The following MAPRE2 variants were observed in gnomAD, a reference collection of about 807,000 sequenced individuals.
MAPRE2 encodes microtubule associated protein RP/EB family member 2, also known as microtubule-associated protein RP/EB family member 2.
Under a neutral mutation model 43.2 loss-of-function variants are expected in MAPRE2, and 13 were observed. That is an observed-to-expected ratio of 0.30 (90% CI 0.20 to 0.48). The LOEUF is 0.48. MAPRE2 is among the 20% of genes least tolerant of loss of function. MAPRE2 has a pLI of 0.99. For synonymous variants in MAPRE2, 135 were observed against 148.8 expected, an observed-to-expected ratio of 0.91 and a Z score of 0.68; for missense variants, 161 against 400.2, an observed-to-expected ratio of 0.40 and a Z score of 5.10.
chr18:35,017,359 G>C (rs186970064), intron 2 of MAPRE2, among the ~76,000 whole-genome samples: 1 of 147,596 alleles, frequency 6.8e-6, no homozygotes, highest in East Asian at 2.1e-4. Flanking sequence ...TTGGTAGTTT[G>C]ATAGGTATAG....
At chr18:34,985,663 A>G (rs1411806753) in intron 1 of MAPRE2, among the ~76,000 whole-genome samples, 1 of 102,124 alleles carries the variant, frequency 9.8e-6, no homozygotes, top group East Asian at 2.8e-4. Context: ...ATGATATATT[A>G]TAATAATATA....
chr18:35,069,565 GT>G (rs1157290181), intron 1 of MAPRE2, among the ~76,000 whole-genome samples: 2 of 152,036 alleles, frequency 1.3e-5, no homozygotes, highest in Non-Finnish European at 2.9e-5. Context: ...AATCCAAGGG[GT>G]AAACCTAACT....
At chr18:35,110,573 G>A (rs1021259012) in intron 4 of MAPRE2, among the ~76,000 whole-genome samples, 14 of 151,954 alleles carry the variant, frequency 9.2e-5, no homozygotes, top group African/African-American at 2.9e-4. Flanking sequence ...GTTCCCTAGC[G>A]GTTTCATTTC....
intron 2 of MAPRE2, among the ~76,000 whole-genome samples, chr18:35,012,851 AT>A (rs1460991768): frequency 1.3e-5 from 2 of 152,182 alleles, no homozygotes; most frequent in Admixed American, 1.3e-4. Flanking sequence ...ATGTTAATAT[AT>A]GTAATGTCAC....
In MAPRE2 at chr18:35,085,547, C is replaced by G. The variant is rs1273816905; in HGVS notation, c.251-11899C>G. Among the ~76,000 whole-genome samples, 4 of 152,064 alleles carry G rather than the reference C, an allele frequency of 2.6e-5. No individual in the cohort carries two copies. The South Asian group carries it at 8.3e-4, about 32-fold the overall frequency. ...TGAATCTGGAAAGGGTGTGTGTGCCCCCAGGAATATTCCACCAGAGGCAGC... is the reference window on the plus strand; with the variant it reads ...TGAATCTGGAAAGGGTGTGTGTGCCGCCAGGAATATTCCACCAGAGGCAGC... On this transcript the variant is annotated intron_variant, in intron 2 of 6. Coordinates refer to ENST00000300249, the MANE Select transcript of MAPRE2 (RefSeq NM_014268.4).
intron 2 of MAPRE2, among the ~76,000 whole-genome samples, chr18:35,010,402 A>G (rs1225059095): frequency 6.6e-6 from 1 of 152,164 alleles, no homozygotes; most frequent in East Asian, 1.9e-4. Context: ...AAATAGCTTG[A>G]CCTCACTAAG....
At chr18:35,035,113 A>C (rs1312478114) in intron 2 of MAPRE2, among the ~76,000 whole-genome samples, 39 of 152,078 alleles carry the variant, frequency 2.6e-4, no homozygotes, top group Non-Finnish European at 8.8e-5. Flanking sequence ...GAACCAACCC[A>C]AATGTCCAAC....
Position 34,985,041 on chromosome 18 carries a change from T to TATAAA in MAPRE2, c.-70+7966_-70+7970dup, listed in dbSNP as rs1568961120. On this transcript the variant is annotated intron_variant, in intron 1 of 7. Coordinates refer to the MAPRE2 transcript ENST00000413393. ...TATATAATATATAAAATATATAATA[T>TATAAA]ATAAAATATATTATATAATATATAA... 7.7e-3 allele frequency among the ~76,000 whole-genome samples: 398 copies of TATAAA among 51,632 alleles called. 3 individuals are homozygous for TATAAA. The highest frequency in any genetic ancestry group is 0.019 in the African/African-American group (230 of 12,280). The allele number at this position is 51,632 out of a possible 152,430, so 33.9% of individuals were successfully genotyped here. A position where few individuals can be genotyped will look rare whatever the true frequency, so the allele number is the denominator to read the frequency against.
Position 35,132,210 on chromosome 18 carries a change from G to C in MAPRE2, c.909+20G>C. On this transcript the variant is annotated intron_variant, in intron 6 of 6. Coordinates refer to ENST00000300249, the MANE Select transcript of MAPRE2 (RefSeq NM_014268.4). Reference sequence around the variant, plus strand: ...GAACACGTAAGTGTGAGGAGCATGTGACTCCTGTGTTCTAAAATGACTCTC... The same window carrying C: ...GAACACGTAAGTGTGAGGAGCATGTCACTCCTGTGTTCTAAAATGACTCTC... 6.2e-7 allele frequency: 1 copy of C among 1,611,900 alleles called. No individual in the cohort carries two copies. The highest frequency in any genetic ancestry group is 1.1e-5 in the South Asian group (1 of 90,854).
intron 4 of MAPRE2, among the ~76,000 whole-genome samples, chr18:35,111,505 T>C (rs1909172806): frequency 3.9e-5 from 6 of 152,342 alleles, no homozygotes; most frequent in Admixed American, 3.9e-4. Flanking sequence ...TCTTAGTTAT[T>C]GTGAATTTTA....
upstream of MAPRE2, among the ~76,000 whole-genome samples, chr18:35,038,673 A>T (rs78716378): frequency 5.5e-3 from 844 of 152,294 alleles, 5 homozygotes; most frequent in African/African-American, 0.019. Flanking sequence ...ACATCGTACC[A>T]TTCCGCTTCC....
At chr18:35,092,868 T>C (rs1253502194) in intron 2 of MAPRE2, among the ~76,000 whole-genome samples, 1 of 151,976 alleles carries the variant, frequency 6.6e-6, no homozygotes, top group East Asian at 1.9e-4. Context: ...ATCAAGGAAA[T>C]ACAGTGGGAA....
At chr18:35,072,233 C>T (rs1907147980) in intron 2 of MAPRE2, among the ~76,000 whole-genome samples, 1 of 152,222 alleles carries the variant, frequency 6.6e-6, no homozygotes, top group South Asian at 2.1e-4. Context: ...AACACATACC[C>T]CTTTGTATTG....
chr18:34,999,287 C>T (rs545656116), intron 1 of MAPRE2, among the ~76,000 whole-genome samples: 5 of 152,248 alleles, frequency 3.3e-5, no homozygotes, highest in African/African-American at 4.8e-5. Context: ...AAACACTTTA[C>T]AGAACTATAA....
chr18:35,083,341 T>C (rs1442368779), intron 2 of MAPRE2, among the ~76,000 whole-genome samples: 3 of 152,252 alleles, frequency 2.0e-5, no homozygotes, highest in Non-Finnish European at 4.4e-5. Flanking sequence ...AAACTTTCTA[T>C]TTTCATGACC....
chr18:35,070,102 T>C (rs759333782), intron 1 of MAPRE2, 93 bp from the exon 2 acceptor site: 86 of 1,080,468 alleles, frequency 8.0e-5, no homozygotes, highest in Non-Finnish European at 1.1e-4. Flanking sequence ...TTACATGCCC[T>C]GGAGTCCTGC....
At chr18:35,030,344 A>C (rs536341623) in intron 2 of MAPRE2, among the ~76,000 whole-genome samples, 1 of 152,298 alleles carries the variant, frequency 6.6e-6, no homozygotes, top group Non-Finnish European at 1.5e-5. Flanking sequence ...ACCATCAGCT[A>C]TCTCATCCCT....
chr18:35,087,836 T>C (rs1410851168), intron 2 of MAPRE2, among the ~76,000 whole-genome samples: 1 of 152,232 alleles, frequency 6.6e-6, no homozygotes, highest in Non-Finnish European at 1.5e-5. Flanking sequence ...TAATTTATAA[T>C]GAACAGTTAT....
intron 1 of MAPRE2, among the ~76,000 whole-genome samples, chr18:35,063,443 G>C (rs551287835): frequency 7.3e-5 from 11 of 150,808 alleles, no homozygotes; most frequent in Middle Eastern, 3.4e-3. Context: ...GTTTCCAGTT[G>C]AATGTGGACT....
Sources: allele counts gnomAD v4.1 joint callset (sites outside exome capture counted in the v4.1 genomes callset), GRCh38; gene constraint gnomAD v4.1.1; transcripts MANE v1.5; gene names NCBI Gene and HGNC (gene_info 2026-07-23, HGNC 2026-07-21).